The following GABRG3 variants were observed in gnomAD, a reference collection of about 807,000 sequenced individuals.
GABRG3 encodes the protein gamma-aminobutyric acid type A receptor subunit gamma3.
A neutral mutation model predicts 48.8 loss-of-function variants in GABRG3; 25 were observed. That is an observed-to-expected ratio of 0.51 (90% CI 0.37 to 0.72). GABRG3 has a LOEUF of 0.72. Among genes scored for constraint, GABRG3 ranks in the 30% least tolerant of loss-of-function variants. GABRG3 has a pLI of 0.00. For synonymous variants in GABRG3, 227 were observed against 217.6 expected, an observed-to-expected ratio of 1.04 and a Z score of -0.38; for missense variants, 394 against 577.9, an observed-to-expected ratio of 0.68 and a Z score of 3.26.
At chr15:27,106,594 C>T (rs1037353677) in intron 3 of GABRG3, among the ~76,000 whole-genome samples, 1 of 151,550 alleles carries the variant, frequency 6.6e-6, no homozygotes, top group Non-Finnish European at 1.5e-5. Context: ...GAAACTAATG[C>T]AAGTGAAAAT....
At chr15:27,402,386 C>T (rs1218056184) in intron 5 of GABRG3, among the ~76,000 whole-genome samples, 1 of 152,196 alleles carries the variant, frequency 6.6e-6, no homozygotes, top group Admixed American at 6.5e-5. Context: ...GGCCAACCCT[C>T]CTCTATGGAT....
chr15:27,454,302 C>T (rs1375798788), intron 5 of GABRG3, among the ~76,000 whole-genome samples: 1 of 152,162 alleles, frequency 6.6e-6, no homozygotes, highest in Admixed American at 6.5e-5. Flanking sequence ...CCTCTGCCTG[C>T]ACAGAAATGG....
At chr15:27,160,310 C>T (rs1447917886) in intron 3 of GABRG3, among the ~76,000 whole-genome samples, 1 of 152,132 alleles carries the variant, frequency 6.6e-6, no homozygotes, top group Non-Finnish European at 1.5e-5. Context: ...CTGCTTCTTG[C>T]CCCAACCCCC....
chr15:27,490,892 C>T (rs1270885014), intron 6 of GABRG3, among the ~76,000 whole-genome samples: 1 of 151,952 alleles, frequency 6.6e-6, no homozygotes, highest in Non-Finnish European at 1.5e-5. Flanking sequence ...GCCACCACCC[C>T]CACCACCACC....
intron 3 of GABRG3, among the ~76,000 whole-genome samples, chr15:27,115,247 A>G (rs1195057466): frequency 1.3e-5 from 2 of 152,130 alleles, no homozygotes; most frequent in African/African-American, 2.4e-5. Flanking sequence ...AAAGGGTTCA[A>G]TTCAGCAGCA....
intron 3 of GABRG3, among the ~76,000 whole-genome samples, chr15:27,173,995 C>A (rs78804939): frequency 0.023 from 3,508 of 152,000 alleles, 139 homozygotes; most frequent in African/African-American, 0.08. Flanking sequence ...GTTTTTGCAC[C>A]TTTTGATATT....
intron 5 of GABRG3, among the ~76,000 whole-genome samples, chr15:27,397,439 C>A (rs764056246): frequency 6.6e-6 from 1 of 152,130 alleles, no homozygotes; most frequent in African/African-American, 2.4e-5. Flanking sequence ...AGGCAATATT[C>A]ACCATCATTA....
intron 5 of GABRG3, among the ~76,000 whole-genome samples, chr15:27,480,354 C>T (rs116589676): frequency 8.5e-5 from 13 of 152,308 alleles, no homozygotes; most frequent in African/African-American, 2.9e-4. Context: ...CGAAGGCCGA[C>T]GGCAGCTGTG....
intron 3 of GABRG3, among the ~76,000 whole-genome samples, chr15:27,255,612 T>C (rs1367789886): frequency 6.6e-5 from 10 of 152,300 alleles, no homozygotes; most frequent in African/African-American, 2.4e-4. Flanking sequence ...TGGAAATGTA[T>C]TGATGATCTG....
At chr15:27,000,648 C>T (rs1422339641) in intron 2 of GABRG3, among the ~76,000 whole-genome samples, 1 of 152,122 alleles carries the variant, frequency 6.6e-6, no homozygotes, top group African/African-American at 2.4e-5. Context: ...CCACCACCAC[C>T]TTGCTCCTGC....
chr15:27,244,962 C>T (rs1017883391), intron 3 of GABRG3, among the ~76,000 whole-genome samples: 11 of 152,070 alleles, frequency 7.2e-5, no homozygotes, highest in African/African-American at 1.4e-4. Context: ...AAAATTTCCA[C>T]GGGCTCCTTG....
At chr15:27,247,682 A>G (rs965300734) in intron 3 of GABRG3, among the ~76,000 whole-genome samples, 1 of 152,204 alleles carries the variant, frequency 6.6e-6, no homozygotes, top group Non-Finnish European at 1.5e-5. Context: ...AAAGAGGTTT[A>G]TTGGAATTAC....
intron 3 of GABRG3, among the ~76,000 whole-genome samples, chr15:27,314,070 TAAGAA>T (rs1265417776): frequency 6.6e-6 from 1 of 151,666 alleles, no homozygotes; most frequent in Admixed American, 6.6e-5. Context: ...TTAGCTAGAC[TAAGAA>T]AAGAAAGAAA....
chr15:27,473,826 T>C (rs1315006312), intron 5 of GABRG3, among the ~76,000 whole-genome samples: 1 of 152,226 alleles, frequency 6.6e-6, no homozygotes, highest in Non-Finnish European at 1.5e-5. Context: ...GAAGAACTAA[T>C]AGTTAAAAAC....
intron 3 of GABRG3, among the ~76,000 whole-genome samples, chr15:27,038,728 G>A (rs570864832): frequency 8.7e-4 from 132 of 152,362 alleles, no homozygotes; most frequent in African/African-American, 3.1e-3. Context: ...TCTCAGGGGT[G>A]CAGGGAGCCC....
At chr15:27,316,449 G>A (rs771023125) in intron 3 of GABRG3, among the ~76,000 whole-genome samples, 21 of 145,326 alleles carry the variant, frequency 1.4e-4, no homozygotes, top group Non-Finnish European at 2.9e-4. Context: ...AAAAGAAAAT[G>A]TGTCTTTCTT....
intron 3 of GABRG3, among the ~76,000 whole-genome samples, chr15:27,295,919 A>T (rs1320042157): frequency 6.6e-6 from 1 of 152,156 alleles, no homozygotes; most frequent in Admixed American, 6.5e-5. Context: ...TCTCTGCTCT[A>T]TGAGCTGGCA....
intron 3 of GABRG3, among the ~76,000 whole-genome samples, chr15:27,064,703 G>A (rs934132030): frequency 5.3e-5 from 8 of 152,074 alleles, no homozygotes; most frequent in Non-Finnish European, 1.0e-4. Context: ...CGTGCAGCAC[G>A]CAACCCACAG....
At chr15:27,400,144 A>G (rs992331350) in intron 5 of GABRG3, among the ~76,000 whole-genome samples, 2 of 152,224 alleles carry the variant, frequency 1.3e-5, no homozygotes, top group African/African-American at 2.4e-5. Flanking sequence ...CAAAAGCCAG[A>G]TATCGAGAGT....
Sources: allele counts gnomAD v4.1 joint callset (sites outside exome capture counted in the v4.1 genomes callset), GRCh38; gene constraint gnomAD v4.1.1; transcripts MANE v1.5; gene names NCBI Gene and HGNC (gene_info 2026-07-23, HGNC 2026-07-21).